FARS2: variants seen among roughly 807,000 people sequenced by gnomAD.
FARS2 encodes the protein phenylalanyl-tRNA synthetase 2, mitochondrial.
A neutral mutation model predicts 46.4 loss-of-function variants in FARS2; 40 were observed. That is an observed-to-expected ratio of 0.86 (90% CI 0.67 to 1.12). The LOEUF is 1.12. Among genes scored for constraint, FARS2 ranks in the 50% most tolerant of loss-of-function variants. The pLI, the probability that FARS2 is intolerant of heterozygous loss-of-function variation, is 0.00. For missense variants in FARS2, 513 were observed against 567.9 expected (o/e 0.90, Z 0.98); for synonymous variants, 234 against 214.9 (o/e 1.09, Z -0.78).
intron 4 of FARS2, among the ~76,000 whole-genome samples, chr6:5,512,129 C>T (rs995040152): frequency 5.3e-5 from 8 of 152,158 alleles, no homozygotes; most frequent in Non-Finnish European, 1.2e-4. Context: ...AGTCAGCACT[C>T]TTTTAGTTCC....
chr6:5,454,871 G>A (rs970444945), intron 4 of FARS2, among the ~76,000 whole-genome samples: 2 of 152,142 alleles, frequency 1.3e-5, no homozygotes, highest in African/African-American at 4.8e-5. Context: ...CCTTTGCTGG[G>A]ACTGCCTGGG....
intron 6 of FARS2, among the ~76,000 whole-genome samples, chr6:5,719,452 G>GAGAAAGAAAGAGAA (rs770470132): frequency 2.0e-5 from 3 of 150,066 alleles, no homozygotes; most frequent in African/African-American, 7.4e-5. Context: ...GAGAGAAAGA[G>GAGAAAGAAAGAGAA]ATAAAGAAAA....
At chr6:5,633,543 C>T (rs1776400132) in intron 6 of FARS2, among the ~76,000 whole-genome samples, 1 of 152,132 alleles carries the variant, frequency 6.6e-6, no homozygotes, top group South Asian at 2.1e-4. Flanking sequence ...GCTGGGATTA[C>T]AGGCGTGAGC....
At chr6:5,624,912 C>A (rs915045810) in intron 6 of FARS2, among the ~76,000 whole-genome samples, 2 of 150,668 alleles carry the variant, frequency 1.3e-5, no homozygotes, top group Middle Eastern at 6.8e-3. Flanking sequence ...TTCACAAGAT[C>A]ACTTCTTTCT....
chr6:5,267,011 G>T (rs1205016770), intron 1 of FARS2, among the ~76,000 whole-genome samples: 3 of 152,020 alleles, frequency 2.0e-5, no homozygotes, highest in African/African-American at 7.2e-5. Context: ...GAGAAATCTT[G>T]AAAGCTATGA....
At chr6:5,599,398 G>A (rs1004152815) in intron 5 of FARS2, among the ~76,000 whole-genome samples, 31 of 152,210 alleles carry the variant, frequency 2.0e-4, no homozygotes, top group African/African-American at 5.5e-4. Flanking sequence ...AATATTTTAC[G>A]TCTGAGAGGA....
intron 6 of FARS2, among the ~76,000 whole-genome samples, chr6:5,664,425 A>G (rs1392882658): frequency 1.3e-5 from 2 of 152,194 alleles, no homozygotes; most frequent in Admixed American, 1.3e-4. Context: ...GGCCTTGGGC[A>G]TGGATCCCTC....
chr6:5,514,818 G>A (rs971009916), intron 4 of FARS2, among the ~76,000 whole-genome samples: 1 of 151,520 alleles, frequency 6.6e-6, no homozygotes, highest in African/African-American at 2.4e-5. Flanking sequence ...CTAGGCTGGA[G>A]TGCAGTGGCA....
At chr6:5,348,119 C>T (rs978174806) in intron 1 of FARS2, among the ~76,000 whole-genome samples, 1 of 152,154 alleles carries the variant, frequency 6.6e-6, no homozygotes, top group Non-Finnish European at 1.5e-5. Context: ...TTTGGCTTCC[C>T]TGTTCATTTT....
chr6:5,493,195 G>A (rs1185877468), intron 4 of FARS2, among the ~76,000 whole-genome samples: 1 of 144,894 alleles, frequency 6.9e-6, no homozygotes, highest in Non-Finnish European at 1.5e-5. Flanking sequence ...GGTGACAAGA[G>A]GGAGACTGTG....
intron 6 of FARS2, among the ~76,000 whole-genome samples, chr6:5,674,159 T>C (rs1778628246): frequency 8.0e-6 from 1 of 125,244 alleles, no homozygotes; most frequent in Non-Finnish European, 1.6e-5. Flanking sequence ...TTTGTCAGTT[T>C]AAAAAGGATT....
At chr6:5,375,988 C>T (rs1461587320) in intron 2 of FARS2, among the ~76,000 whole-genome samples, 3 of 152,110 alleles carry the variant, frequency 2.0e-5, no homozygotes, top group Non-Finnish European at 4.4e-5. Flanking sequence ...TGTGTTAAAA[C>T]ATCTGCCTAA....
intron 6 of FARS2, among the ~76,000 whole-genome samples, chr6:5,653,666 G>A (rs1777475122): frequency 6.6e-6 from 1 of 152,184 alleles, no homozygotes; most frequent in African/African-American, 2.4e-5. Context: ...TGAGTTGAGG[G>A]ATTTGCACTA....
At chr6:5,721,347 C>T (rs1409852630) in intron 6 of FARS2, among the ~76,000 whole-genome samples, 3 of 152,172 alleles carry the variant, frequency 2.0e-5, no homozygotes, top group African/African-American at 7.2e-5. Context: ...TGTTAATAGA[C>T]TTTTGAGAAA....
At chr6:5,373,144 C>G (rs1759162420) in intron 2 of FARS2, among the ~76,000 whole-genome samples, 6 of 152,126 alleles carry the variant, frequency 3.9e-5, no homozygotes, top group Admixed American at 3.9e-4. Flanking sequence ...CACAGCAGTA[C>G]TTGAGAGAAA....
At chr6:5,468,353 T>TAA (rs531163302) in intron 4 of FARS2, among the ~76,000 whole-genome samples, 3 of 103,266 alleles carry the variant, frequency 2.9e-5, no homozygotes, top group Admixed American at 9.3e-5. Flanking sequence ...CTGGTAAAAG[T>TAA]AAAAAAAAAA....
At chr6:5,715,926 A>G (rs1174475407) in intron 6 of FARS2, among the ~76,000 whole-genome samples, 1 of 152,184 alleles carries the variant, frequency 6.6e-6, no homozygotes, top group Non-Finnish European at 1.5e-5. Context: ...GTATATTTGT[A>G]CTAGAGTGTA....
chr6:5,353,726 G>GTTTTTTTTTTTTTTT (rs55998904), intron 1 of FARS2, among the ~76,000 whole-genome samples: 10 of 40,382 alleles, frequency 2.5e-4, no homozygotes, highest in South Asian at 1.5e-3. Flanking sequence ...AATATTTGGT[G>GTTTTTTTTTTTTTTT]TTTTTTTTTT....
Position 5,613,180 on chromosome 6 carries a change from A to C in FARS2, c.1077A>C (p.Lys359Asn). 6.2e-7 allele frequency: 1 copy of C among 1,612,496 alleles called. No homozygotes were observed. The highest frequency in any genetic ancestry group is 8.5e-7 in the Non-Finnish European group (1 of 1,179,452). Residue 359 changes from lysine (K) to asparagine (N), a missense_variant, in exon 6 of 7, where the codon AAA becomes AAC. Transcript: ENST00000274680. ...TCTTGTTTTGTTAGCCTCTTAGCAA[A>C]TATCCGGCTGTGATCAATGATATTT... is the stretch of plus-strand genomic sequence containing the variant. Reference protein sequence around the residue: ...NQKVKFQPLSKYPAVINDISF... With the variant: ...NQKVKFQPLSNYPAVINDISF...
Sources: gnomAD v4.1 joint callset for allele counts (sites outside exome capture counted in the v4.1 genomes callset) on GRCh38, gnomAD v4.1.1 for gene constraint, MANE v1.5 for transcripts, NCBI Gene and HGNC (gene_info 2026-07-23, HGNC 2026-07-21) for gene names.